Variants in FOXN3 observed in about 807,000 individuals in gnomAD.
FOXN3 encodes the protein forkhead box N3.
In FOXN3, 7 loss-of-function variants were observed where a neutral mutation model predicts 38.4. That is an observed-to-expected ratio of 0.18 (90% CI 0.10 to 0.34). The LOEUF (loss-of-function observed/expected upper bound fraction) is 0.34. FOXN3 is among the 10% of genes least tolerant of loss of function. The pLI, the probability that FOXN3 is intolerant of heterozygous loss-of-function variation, is 1.00. For missense variants in FOXN3, 456 were observed against 613.4 expected, an observed-to-expected ratio of 0.74 and a Z score of 2.71; for synonymous variants, 230 against 242.2, an observed-to-expected ratio of 0.95 and a Z score of 0.47.
intron 1 of FOXN3, among the ~76,000 whole-genome samples, chr14:89,424,171 C>T (rs1891975088): frequency 6.6e-6 from 1 of 152,172 alleles, no homozygotes; most frequent in Non-Finnish European, 1.5e-5. Flanking sequence ...CACAGTGGGG[C>T]CATGTTCCCT....
intron 1 of FOXN3, among the ~76,000 whole-genome samples, chr14:89,432,299 C>T (rs1415767416): frequency 1.3e-5 from 2 of 152,182 alleles, no homozygotes; most frequent in African/African-American, 4.8e-5. Context: ...CTAACACCAC[C>T]CTGCTCCTAA....
chr14:89,394,211 TC>T (rs1402961267), intron 2 of FOXN3, among the ~76,000 whole-genome samples: 3 of 138,496 alleles, frequency 2.2e-5, no homozygotes, highest in African/African-American at 8.7e-5. Flanking sequence ...GGATCGACGT[TC>T]TTTTTTTTTT....
At chr14:89,199,121 A>G (rs1018724836) in intron 4 of FOXN3, among the ~76,000 whole-genome samples, 2 of 152,230 alleles carry the variant, frequency 1.3e-5, no homozygotes, top group African/African-American at 4.8e-5. Flanking sequence ...GTCATTTGCC[A>G]TGAATATTTC....
chr14:89,176,765 CA>C (rs1369794084), intron 5 of FOXN3, among the ~76,000 whole-genome samples: 3 of 152,178 alleles, frequency 2.0e-5, no homozygotes, highest in African/African-American at 7.2e-5. Flanking sequence ...ACTGATTAGG[CA>C]GATGCCTCCA....
At chr14:89,293,201 C>G (rs1886929926) in intron 3 of FOXN3, among the ~76,000 whole-genome samples, 1 of 152,250 alleles carries the variant, frequency 6.6e-6, no homozygotes, top group Non-Finnish European at 1.5e-5. Flanking sequence ...CAGCTTTCAG[C>G]TGCCCCTAGC....
intron 3 of FOXN3, among the ~76,000 whole-genome samples, chr14:89,304,326 G>T (rs916816518): frequency 2.0e-5 from 3 of 152,254 alleles, no homozygotes; most frequent in African/African-American, 7.2e-5. Flanking sequence ...GGGGCGGTAA[G>T]GTTAGCAGGG....
At chr14:89,257,263 T>C (rs923218891) in intron 4 of FOXN3, among the ~76,000 whole-genome samples, 23 of 152,146 alleles carry the variant, frequency 1.5e-4, no homozygotes, top group African/African-American at 5.6e-4. Context: ...ATTTTCAAGG[T>C]GTTACAATAA....
chr14:89,573,565 C>T (rs150663637), intron 1 of FOXN3, among the ~76,000 whole-genome samples: 95 of 152,242 alleles, frequency 6.2e-4, no homozygotes, highest in African/African-American at 2.1e-3. Flanking sequence ...TTCCAAATCC[C>T]GTTAAGGAAG....
chr14:89,364,366 TTTTGTTTTTG>T (rs1164581020), intron 2 of FOXN3: 10 of 150,138 alleles, frequency 6.7e-5, no homozygotes, highest in African/African-American at 1.3e-4. Context: ...TTGTTTTTGT[TTTTGTTTTTG>T]TTTTTGTTTT....
At chr14:89,180,893 T>G in intron 4 of FOXN3, 87 bp from the exon 5 acceptor site, 2 of 606,560 alleles carry the variant, frequency 3.3e-6, no homozygotes, top group Non-Finnish European at 4.8e-6. Flanking sequence ...GATAGACCAA[T>G]AAGAGAGAGA....
intron 2 of FOXN3, among the ~76,000 whole-genome samples, chr14:89,368,978 G>A (rs1890234032): frequency 2.6e-5 from 4 of 152,156 alleles, no homozygotes; most frequent in South Asian, 4.1e-4. Flanking sequence ...TACACAGTGC[G>A]TTTCATCTGA....
intron 1 of FOXN3, among the ~76,000 whole-genome samples, chr14:89,547,904 T>C (rs1324941190): frequency 6.6e-6 from 1 of 152,238 alleles, no homozygotes; most frequent in African/African-American, 2.4e-5. Flanking sequence ...CCAGGAGATT[T>C]TGCTTCACAG....
chr14:89,257,858 C>A (rs778848119), intron 4 of FOXN3, among the ~76,000 whole-genome samples: 1 of 152,164 alleles, frequency 6.6e-6, no homozygotes, highest in Admixed American at 6.5e-5. Flanking sequence ...ATTTTAACCT[C>A]AGAGCAATGC....
chr14:89,254,244 C>G (rs1038979386), intron 4 of FOXN3, among the ~76,000 whole-genome samples: 9 of 152,182 alleles, frequency 5.9e-5, no homozygotes, highest in Non-Finnish European at 8.8e-5. Flanking sequence ...GTAGAAAGTT[C>G]CATGTTTTAG....
rs1436939177 is a variant in FOXN3, at chr14:89,162,367, G to A, written c.*47C>T. The A allele has an allele frequency of 6.9e-7, 1 of 1,451,802 alleles. No individual in the cohort carries two copies. Among genetic ancestry groups the A allele is most frequent in the Non-Finnish European group, 9.2e-7 (1 of 1,085,676 alleles). The allele number at this position is 1,451,802 out of a possible 1,614,324, so 89.9% of individuals were successfully genotyped here. A position where few individuals can be genotyped will look rare whatever the true frequency, so the allele number is the denominator to read the frequency against. On this transcript the variant is annotated 3_prime_UTR_variant, in exon 6 of 6. Transcript: ENST00000557258. The surrounding 1 kb of genome is among the most constrained non-coding windows in gnomAD (Gnocchi z 7.2). ...CAAATCATTAGAAATCTCCTGACATGCTGAAACCAAATGGTCGTAAGTTCA... is the reference window on the plus strand; with the variant it reads ...CAAATCATTAGAAATCTCCTGACATACTGAAACCAAATGGTCGTAAGTTCA...
In FOXN3 at chr14:89,463,057, A is replaced by G. The variant is rs531216685; in HGVS notation, c.-14-50567T>C. On this transcript the variant is annotated intron_variant, in intron 1 of 6. Coordinates refer to the FOXN3 transcript ENST00000345097. ...TGTAATCCCAGCACTTTGGGAGGCC[A>G]AGGAGGGCGGATCACGAGGTCAGGA... 6.7e-3 allele frequency among the ~76,000 whole-genome samples: 1,010 copies of G among 150,914 alleles called. 16 individuals are homozygous for G. Among genetic ancestry groups the G allele is most frequent in the African/African-American group, 0.024 (972 of 41,174 alleles).
chr14:89,579,817 A>G (rs963063642), intron 1 of FOXN3, among the ~76,000 whole-genome samples: 1 of 152,162 alleles, frequency 6.6e-6, no homozygotes, highest in Non-Finnish European at 1.5e-5. Context: ...AGTATCTTGT[A>G]TATTTACTTG....
intron 4 of FOXN3, among the ~76,000 whole-genome samples, chr14:89,256,525 G>A (rs562675845): frequency 1.3e-5 from 2 of 152,318 alleles, no homozygotes; most frequent in South Asian, 2.1e-4. Context: ...CTGGCTCCCA[G>A]GAGGTTTGTG....
At chr14:89,445,354 A>G (rs892071228) in intron 1 of FOXN3, among the ~76,000 whole-genome samples, 2 of 152,274 alleles carry the variant, frequency 1.3e-5, no homozygotes, top group African/African-American at 4.8e-5. Flanking sequence ...GGCTCAATCA[A>G]TGGAGCTGCT....
Sources: allele counts gnomAD v4.1 joint callset (sites outside exome capture counted in the v4.1 genomes callset), GRCh38; gene constraint gnomAD v4.1.1; non-coding constraint Gnocchi (gnomAD v3.1); transcripts MANE v1.5; gene names NCBI Gene and HGNC (gene_info 2026-07-23, HGNC 2026-07-21).